The following SYBU variants were observed in gnomAD, a reference collection of about 807,000 sequenced individuals.
SYBU encodes GOLSYN A protein.
In SYBU, 21 loss-of-function variants were observed where a neutral mutation model predicts 35.9. That is an observed-to-expected ratio of 0.58 (90% CI 0.41 to 0.84). SYBU has a LOEUF of 0.84. Ranked by LOEUF, SYBU falls within the 40% of genes least tolerant of loss-of-function variation. The pLI is 0.00. For synonymous variants in SYBU, 319 were observed against 324.3 expected, an observed-to-expected ratio of 0.98 and a Z score of 0.18; for missense variants, 768 against 848.2, an observed-to-expected ratio of 0.91 and a Z score of 1.17.
In SYBU at chr8:109,628,648, C is replaced by T. The variant is rs368446683; in HGVS notation, c.230-9609G>A. 1.1e-4 allele frequency among the ~76,000 whole-genome samples: 17 copies of T among 152,110 alleles called. 5 individuals are homozygous for T. The highest frequency in any genetic ancestry group is 6.6e-5 in the Admixed American group (1 of 15,260). ...ATGAGCGGCTGCACCCAGCCAGAGA[C>T]CCTCATATCTACAAAAAGATTTTTT... is the stretch of plus-strand genomic sequence containing the variant. On this transcript the variant is annotated intron_variant, in intron 2 of 6. Transcript: ENST00000276646.
At position 109,575,257 on chromosome 8, in the gene SYBU, A is replaced by C; in HGVS notation, c.1641T>G (p.Asn547Lys). 6.2e-7 allele frequency: 1 copy of C among 1,614,126 alleles called. No homozygotes were observed. Among genetic ancestry groups the C allele is most frequent in the Non-Finnish European group, 8.5e-7 (1 of 1,180,030 alleles). Reference protein sequence around the residue: ...SALVVDLTPRNPNSAILLSPV... With the variant: ...SALVVDLTPRKPNSAILLSPV... The stretch of plus-strand genomic sequence containing the variant: ...GAGACAAAAGGATGGCTGAGTTTGG[A>C]TTTCTTGGAGTTAAATCAACCACTA... Residue 547 changes from asparagine to lysine, a missense_variant, in exon 7 of 7, where the codon AAT becomes AAG. Asn to Lys is a moderately conservative substitution (Grantham distance 94). Coordinates refer to ENST00000276646, the MANE Select transcript of SYBU (RefSeq NM_001099754.2).
intron 6 of SYBU, among the ~76,000 whole-genome samples, chr8:109,576,777 T>C (rs1335063844): frequency 1.3e-5 from 2 of 152,206 alleles, no homozygotes; most frequent in Non-Finnish European, 2.9e-5. Context: ...CTTTCTTATA[T>C]ATAATTTTTT....
intron 2 of SYBU, among the ~76,000 whole-genome samples, chr8:109,630,347 G>A (rs1184223145): frequency 2.0e-5 from 3 of 150,228 alleles, no homozygotes. Context: ...TGGGTGCAGC[G>A]CACCAGCATG....
rs1817643423 is a variant in SYBU at position 109,691,438 on chromosome 8, C to G, written c.-163G>C. 11 of 666,640 alleles carry G rather than the reference C, an allele frequency of 1.7e-5. 1 individual carries two copies. The South Asian group carries it at 1.7e-4, about 10-fold the overall frequency. The allele number at this position is 666,640 out of a possible 1,614,324, so 41.3% of individuals were successfully genotyped here. A position where few individuals can be genotyped will look rare whatever the true frequency, so the allele number is the denominator to read the frequency against. On this transcript the variant is annotated 5_prime_UTR_variant, in exon 1 of 8. Transcript: ENST00000422135. This position sits in a 1 kb window ranked among gnomAD's most constrained non-coding sequence, Gnocchi z 4.7. ...GCCGGGTGCCGGTGCGGACGGGACC[C>G]CGCGTCGCTGCTGGTTTGCGCTCAG...
intron 2 of SYBU, among the ~76,000 whole-genome samples, chr8:109,628,235 G>T (rs1206750361): frequency 6.6e-6 from 1 of 152,186 alleles, no homozygotes; most frequent in Non-Finnish European, 1.5e-5. Flanking sequence ...GCCAGGTGTG[G>T]TAGTGACAGC....
intron 1 of SYBU, among the ~76,000 whole-genome samples, chr8:109,688,692 G>A (rs1432645767): frequency 1.1e-4 from 16 of 148,190 alleles, no homozygotes. Flanking sequence ...GATATCTCTG[G>A]GTTCTGTCAC....
intron 3 of SYBU, among the ~76,000 whole-genome samples, chr8:109,597,172 G>A (rs1262084746): frequency 1.3e-5 from 2 of 152,108 alleles, no homozygotes; most frequent in East Asian, 3.9e-4. Context: ...AAGGAGATGG[G>A]CCCATGAACA....
intron 2 of SYBU, among the ~76,000 whole-genome samples, chr8:109,632,736 G>A (rs1394384841): frequency 1.3e-5 from 2 of 152,112 alleles, no homozygotes; most frequent in Non-Finnish European, 2.9e-5. Context: ...TCTAAATTAT[G>A]AAATTTAGTC....
intron 1 of SYBU, among the ~76,000 whole-genome samples, chr8:109,667,049 T>C (rs1816778782): frequency 6.6e-6 from 1 of 152,240 alleles, no homozygotes; most frequent in Admixed American, 6.5e-5. Flanking sequence ...TGAAAAGATG[T>C]AGCAGCTTGA....
At chr8:109,583,836 C>T (rs563180211) in intron 4 of SYBU, among the ~76,000 whole-genome samples, 1 of 152,290 alleles carries the variant, frequency 6.6e-6, no homozygotes, top group East Asian at 1.9e-4. Context: ...TTGAAACAGT[C>T]TTGTTCTGTT....
intron 4 of SYBU, among the ~76,000 whole-genome samples, chr8:109,580,728 C>G (rs1364191788): frequency 6.6e-6 from 1 of 152,088 alleles, no homozygotes; most frequent in Non-Finnish European, 1.5e-5. Context: ...TCCTCAAAGC[C>G]TTGCGATGGT....
At chr8:109,586,907 TA>T (rs1823685267) in intron 3 of SYBU, among the ~76,000 whole-genome samples, 1 of 152,200 alleles carries the variant, frequency 6.6e-6, no homozygotes, top group South Asian at 2.1e-4. Context: ...AATTATAATA[TA>T]AATATGCTGT....
At chr8:109,640,819 CAAAA>C (rs33993476) in intron 2 of SYBU, among the ~76,000 whole-genome samples, 11 of 82,050 alleles carry the variant, frequency 1.3e-4, no homozygotes, top group South Asian at 8.6e-4. Flanking sequence ...AATTAGTTAG[CAAAA>C]AAAAAAAAAA....
At chr8:109,677,278 C>A (rs1176322518) in intron 1 of SYBU, among the ~76,000 whole-genome samples, 1 of 152,146 alleles carries the variant, frequency 6.6e-6, no homozygotes, top group African/African-American at 2.4e-5. Context: ...TATGAACACA[C>A]ACAAATAATT....
At chr8:109,684,640 T>C (rs530004420), upstream of SYBU, among the ~76,000 whole-genome samples, 1 of 152,260 alleles carries the variant, frequency 6.6e-6, no homozygotes, top group Non-Finnish European at 1.5e-5. Context: ...CTGAACTTCA[T>C]GCCACAGCTA....
At chr8:109,600,027 G>A (rs1284923803) in intron 3 of SYBU, among the ~76,000 whole-genome samples, 1 of 152,106 alleles carries the variant, frequency 6.6e-6, no homozygotes, top group East Asian at 1.9e-4. Context: ...CTTCAGGAAG[G>A]GGATTAGGTG....
intron 1 of SYBU, among the ~76,000 whole-genome samples, chr8:109,676,721 A>G (rs907348708): frequency 4.6e-5 from 7 of 152,188 alleles, no homozygotes; most frequent in Admixed American, 4.6e-4. Flanking sequence ...TGGAATAGAA[A>G]AAGTATTAGA....
chr8:109,613,421 A>G (rs1043301924), intron 3 of SYBU, among the ~76,000 whole-genome samples: 3 of 152,222 alleles, frequency 2.0e-5, no homozygotes, highest in Admixed American at 1.3e-4. Context: ...TGCAGAACAC[A>G]GAGTCTCAAG....
At chr8:109,644,503 A>G in intron 1 of SYBU, 133 bp downstream of exon 1, 2 of 1,054,672 alleles carry the variant, frequency 1.9e-6, no homozygotes. Flanking sequence ...CCTTCTCCAG[A>G]CCCCACCACC....
Sources: allele counts gnomAD v4.1 joint callset (sites outside exome capture counted in the v4.1 genomes callset), GRCh38; gene constraint gnomAD v4.1.1; non-coding constraint Gnocchi (gnomAD v3.1); transcripts MANE v1.5; gene names NCBI Gene and HGNC (gene_info 2026-07-23, HGNC 2026-07-21).